The following LHFPL6 variants were observed in gnomAD, a reference collection of about 807,000 sequenced individuals.
LHFPL6 encodes LHFPL tetraspan subfamily member 6.
A neutral mutation model predicts 20.6 loss-of-function variants in LHFPL6; 9 were observed. The observed-to-expected ratio is 0.44, with a 90% CI of 0.26 to 0.76. The LOEUF is 0.76. LHFPL6 is among the 30% of genes least tolerant of loss of function. The pLI, the probability that LHFPL6 is intolerant of heterozygous loss-of-function variation, is 0.20. For missense variants in LHFPL6, 218 were observed against 253.5 expected (o/e 0.86, Z 0.95); for synonymous variants, 105 against 98.7 (o/e 1.06, Z -0.38).
intron 2 of LHFPL6, among the ~76,000 whole-genome samples, chr13:39,481,035 A>G (rs559834427): frequency 2.1e-4 from 32 of 152,316 alleles, no homozygotes; most frequent in African/African-American, 7.2e-4. Context: ...TTTTTGGCAA[A>G]TTATTAATGA....
At chr13:39,573,315 G>A (rs7324883) in intron 2 of LHFPL6, among the ~76,000 whole-genome samples, 131,270 of 152,200 alleles carry the variant, frequency 0.86, 56,732 homozygotes, top group South Asian at 0.93. Flanking sequence ...AAATGAGTAT[G>A]TATCAATAGG....
At chr13:39,490,466 A>G (rs539068043) in intron 2 of LHFPL6, among the ~76,000 whole-genome samples, 2 of 152,350 alleles carry the variant, frequency 1.3e-5, no homozygotes, top group South Asian at 2.1e-4. Flanking sequence ...GCTCGCTCTC[A>G]GGTACAGCAG....
chr13:39,419,998 C>T (rs1027537814), intron 2 of LHFPL6, among the ~76,000 whole-genome samples: 1 of 152,086 alleles, frequency 6.6e-6, no homozygotes, highest in Admixed American at 6.5e-5. Flanking sequence ...ATAGAAAATG[C>T]ACAGCCTAAC....
At chr13:39,543,586 G>A (rs1870878242) in intron 2 of LHFPL6, among the ~76,000 whole-genome samples, 1 of 151,978 alleles carries the variant, frequency 6.6e-6, no homozygotes, top group Non-Finnish European at 1.5e-5. Context: ...CATTTTCCCT[G>A]CATAAGACTA....
chr13:39,432,586 T>C (rs570040101), intron 2 of LHFPL6, among the ~76,000 whole-genome samples: 9 of 152,288 alleles, frequency 5.9e-5, no homozygotes, highest in African/African-American at 2.2e-4. Flanking sequence ...AACTGCCCCA[T>C]TAAAATTGCA....
chr13:39,423,673 C>A (rs1180551422), intron 2 of LHFPL6, among the ~76,000 whole-genome samples: 1 of 152,076 alleles, frequency 6.6e-6, no homozygotes, highest in Non-Finnish European at 1.5e-5. Context: ...TGATCCCAGG[C>A]ATAGGAATCA....
At chr13:39,474,903 A>G (rs1432788426) in intron 2 of LHFPL6, among the ~76,000 whole-genome samples, 1 of 152,206 alleles carries the variant, frequency 6.6e-6, no homozygotes, top group Non-Finnish European at 1.5e-5. Context: ...TCTAGGTGGC[A>G]GTGGTGGAAC....
intron 2 of LHFPL6, among the ~76,000 whole-genome samples, chr13:39,531,582 T>A (rs770783974): frequency 9.2e-5 from 14 of 152,146 alleles, no homozygotes; most frequent in Non-Finnish European, 1.6e-4. Context: ...AAACTGGGAA[T>A]TCCAATGGTT....
Position 39,479,844 on chromosome 13 carries a change from T to C in LHFPL6, c.386-101318A>G, listed in dbSNP as rs112466632. 4.0e-4 allele frequency among the ~76,000 whole-genome samples: 61 copies of C among 152,288 alleles called. 1 individual carries two copies. Among genetic ancestry groups the C allele is most frequent in the African/African-American group, 1.3e-3 (55 of 41,568 alleles). On this transcript the variant is annotated intron_variant, in intron 2 of 3. Coordinates refer to ENST00000379589, the MANE Select transcript of LHFPL6 (RefSeq NM_005780.3). The stretch of plus-strand genomic sequence containing the variant: ...AACATAGTTTAAAGGCAGATCAACA[T>C]TGACAGTCTCCAACAACTGACATGA...
chr13:39,515,471 C>CTT (rs1365519287), intron 2 of LHFPL6, among the ~76,000 whole-genome samples: 2 of 152,238 alleles, frequency 1.3e-5, no homozygotes, highest in African/African-American at 2.4e-5. Context: ...TGGGCTGACA[C>CTT]TTTATTCTTA....
chr13:39,590,598 C>T (rs983846492), intron 2 of LHFPL6, among the ~76,000 whole-genome samples: 6 of 152,144 alleles, frequency 3.9e-5, no homozygotes, highest in Non-Finnish European at 8.8e-5. Flanking sequence ...GACACCCTTG[C>T]CAACCTGGAG....
chr13:39,369,499 T>G (rs1463872524), intron 3 of LHFPL6, among the ~76,000 whole-genome samples: 1 of 149,324 alleles, frequency 6.7e-6, no homozygotes, highest in East Asian at 2.0e-4. Context: ...TGGTAGGATA[T>G]CAGTGGCCAA....
intron 2 of LHFPL6, among the ~76,000 whole-genome samples, chr13:39,575,747 G>A (rs930229030): frequency 6.6e-6 from 1 of 152,150 alleles, no homozygotes; most frequent in African/African-American, 2.4e-5. Context: ...TTCCGCTGTG[G>A]GGTCCGGTTC....
intron 2 of LHFPL6, among the ~76,000 whole-genome samples, chr13:39,582,333 C>T (rs535879968): frequency 6.6e-6 from 1 of 152,304 alleles, no homozygotes; most frequent in Non-Finnish European, 1.5e-5. Context: ...TTCTGCAAAT[C>T]GCTAAGAAGA....
chr13:39,390,352 G>A (rs536865763), intron 2 of LHFPL6, among the ~76,000 whole-genome samples: 1 of 152,026 alleles, frequency 6.6e-6, no homozygotes, highest in African/African-American at 2.4e-5. Flanking sequence ...AAAAAAATTA[G>A]CCACGCGTGG....
At chr13:39,562,381 T>TATATATACATATATACATATAC (rs1871514995) in intron 2 of LHFPL6, among the ~76,000 whole-genome samples, 2 of 114,496 alleles carry the variant, frequency 1.7e-5, no homozygotes, top group Admixed American at 1.8e-4. Context: ...TATACATATA[T>TATATATACATATATACATATAC]ACATATACAT....
intron 2 of LHFPL6, among the ~76,000 whole-genome samples, chr13:39,429,825 A>G (rs183712036): frequency 1.1e-4 from 17 of 152,288 alleles, no homozygotes; most frequent in Admixed American, 2.0e-4. Context: ...CTATCTTGCT[A>G]AATCCAAAGG....
intron 2 of LHFPL6, among the ~76,000 whole-genome samples, chr13:39,454,947 C>T (rs1185920084): frequency 6.6e-6 from 1 of 152,038 alleles, no homozygotes; most frequent in African/African-American, 2.4e-5. Flanking sequence ...TATAGAGTGT[C>T]CTTCACTTTT....
intron 2 of LHFPL6, among the ~76,000 whole-genome samples, chr13:39,590,327 AC>A (rs1872559036): frequency 6.6e-6 from 1 of 152,166 alleles, no homozygotes; most frequent in Admixed American, 6.6e-5. Context: ...GCATCAACAC[AC>A]CAAAAGCTCT....
Sources: gnomAD v4.1 joint callset for allele counts (sites outside exome capture counted in the v4.1 genomes callset) on GRCh38, gnomAD v4.1.1 for gene constraint, MANE v1.5 for transcripts, NCBI Gene and HGNC (gene_info 2026-07-23, HGNC 2026-07-21) for gene names.